Variants in RALGAPA1 observed in about 807,000 individuals in gnomAD.
The protein encoded by RALGAPA1 is ral GTPase-activating protein subunit alpha-1.
RALGAPA1 carries 52 observed loss-of-function variants against 269.6 expected under a neutral mutation model. That is an observed-to-expected ratio of 0.19 (90% CI 0.15 to 0.24). The LOEUF is 0.24. Among genes scored for constraint, RALGAPA1 ranks in the 10% least tolerant of loss-of-function variants. RALGAPA1 has a pLI of 1.00. For synonymous variants in RALGAPA1, 817 were observed against 1,008.3 expected (o/e 0.81, Z 3.60); for missense variants, 1,917 against 3,013.9 (o/e 0.64, Z 8.52).
chr14:35,572,607 G>C lies in RALGAPA1; in HGVS notation c.7321C>G (p.Pro2441Ala). The C allele has an allele frequency of 6.2e-7, 1 of 1,608,198 alleles. No individual in the cohort carries two copies. The highest frequency in any genetic ancestry group is 8.5e-7 in the Non-Finnish European group (1 of 1,177,152). Residue 2441 changes from proline to alanine, a missense_variant, in exon 38 of 42, where the codon CCA becomes GCA. Pro to Ala is a conservative substitution (Grantham distance 27, BLOSUM62 -1). Transcript: ENST00000680220. ...EFGDVLIVIY[P>A]MKNHMFSIQI... Reference sequence around the variant, plus strand: ...ATACTGAACATGTGATTTTTCATTGGATATATTACAATAAGGACATCACCA... The same window carrying C: ...ATACTGAACATGTGATTTTTCATTGCATATATTACAATAAGGACATCACCA...
intron 26 of RALGAPA1, among the ~76,000 whole-genome samples, chr14:35,670,935 AAGAG>A (rs200500058): frequency 0.095 from 14,443 of 151,304 alleles, 858 homozygotes; most frequent in Non-Finnish European, 0.14. Flanking sequence ...AAAAAAAAAA[AAGAG>A]AGAGAGAGAG....
intron 4 of RALGAPA1, chr14:35,766,539 G>A (rs1376304206): frequency 4.0e-6 from 4 of 1,008,624 alleles, no homozygotes; most frequent in African/African-American, 3.2e-5. Flanking sequence ...ATCAGAAGCA[G>A]CATCGAGTAT....
At chr14:35,789,516 T>C (rs922895675) in intron 1 of RALGAPA1, among the ~76,000 whole-genome samples, 2 of 151,886 alleles carry the variant, frequency 1.3e-5, no homozygotes, top group African/African-American at 4.8e-5. Context: ...CACTTGAACC[T>C]GGAAGGTGTA....
chr14:35,709,365 C>T (rs1347864811), intron 16 of RALGAPA1, among the ~76,000 whole-genome samples: 1 of 151,942 alleles, frequency 6.6e-6, no homozygotes, highest in African/African-American at 2.4e-5. Context: ...TATATACCCA[C>T]AAAAATTAAA....
In RALGAPA1 at chr14:35,750,536, A is replaced by C. The variant is rs779875461; in HGVS notation, c.957T>G (p.His319Gln). Residue 319 changes from histidine (H) to glutamine (Q), a missense_variant, in exon 9 of 42, where the codon CAT becomes CAG. Coordinates refer to ENST00000680220, the MANE Select transcript of RALGAPA1 (RefSeq NM_001346249.2). ...LVSFWLEPKP[H>Q]TGPHIPGMEG... ...CCATCCCAGGAATATGAGGTCCTGT[A>C]TGTGGTTTTGGCTCCAGCCAGAAAG... 1 of 1,613,174 alleles carries C rather than the reference A, an allele frequency of 6.2e-7. No individual in the cohort carries two copies. Among genetic ancestry groups the C allele is most frequent in the South Asian group, 1.1e-5 (1 of 91,052 alleles).
In RALGAPA1 at chr14:35,688,943, T is replaced by C. The variant is rs958901791; in HGVS notation, c.3468A>G (p.Pro1156=). The C allele has an allele frequency of 8.8e-6, 11 of 1,246,928 alleles. No individual in the cohort carries two copies. Among genetic ancestry groups the C allele is most frequent in the Non-Finnish European group, 1.0e-5 (10 of 996,672 alleles). The allele number at this position is 1,246,928 out of a possible 1,614,324, so 77.2% of individuals were successfully genotyped here. Residue 1156 remains proline (P), a synonymous_variant, in exon 18 of 42, where the codon CCA becomes CCG. Coordinates refer to ENST00000680220, the MANE Select transcript of RALGAPA1 (RefSeq NM_001346249.2). ...TATAAAACTGAACGGACTCAGTGGATGGCCTAAAAGTAACATGAACACTAT... is the reference window on the plus strand; with the variant it reads ...TATAAAACTGAACGGACTCAGTGGACGGCCTAAAAGTAACATGAACACTAT... ...KRNSVHVTFR[P]STESVQFYNP...
At chr14:35,756,679 G>A in intron 7 of RALGAPA1, 114 bp downstream of exon 7, 1 of 707,900 alleles carries the variant, frequency 1.4e-6, no homozygotes, top group Non-Finnish European at 2.2e-6. Flanking sequence ...CAACCTCCCT[G>A]ACAAAAAGAA....
At chr14:35,553,947 T>A (rs2139173707) in intron 39 of RALGAPA1, among the ~76,000 whole-genome samples, 1 of 152,358 alleles carries the variant, frequency 6.6e-6, no homozygotes, top group Admixed American at 6.5e-5. Flanking sequence ...TACACTCATA[T>A]ATTTCTATGG....
chr14:35,559,108 A>C (rs1186752464), intron 39 of RALGAPA1, among the ~76,000 whole-genome samples: 2 of 152,186 alleles, frequency 1.3e-5, no homozygotes, highest in African/African-American at 4.8e-5. Flanking sequence ...GTGGTTTGGC[A>C]AGCAAAAGTT....
At position 35,589,164 on chromosome 14, in the gene RALGAPA1, T is replaced by C. The variant is rs150923087; in HGVS notation, c.7209+6470A>G. Among the ~76,000 whole-genome samples the C allele has an allele frequency of 4.6e-4, 70 of 152,338 alleles. No individual in the cohort carries two copies. In the East Asian group the frequency reaches 8.7e-3, roughly 19 times the overall value. ...TAGCAGGCCTTCAAATAATGTCATATCCTTCATAATTTCATTATAAATTTG... is the reference window on the plus strand; with the variant it reads ...TAGCAGGCCTTCAAATAATGTCATACCCTTCATAATTTCATTATAAATTTG... On this transcript the variant is annotated intron_variant, in intron 37 of 41. Transcript: ENST00000680220.
At chr14:35,674,986 T>C (rs1050899201) in intron 22 of RALGAPA1, among the ~76,000 whole-genome samples, 5 of 152,146 alleles carry the variant, frequency 3.3e-5, no homozygotes, top group Non-Finnish European at 5.9e-5. Flanking sequence ...TCTATGCAGA[T>C]AGAGAAATCT....
intron 34 of RALGAPA1, 104 bp from the exon 35 acceptor site, chr14:35,625,536 T>A: frequency 1.3e-6 from 1 of 743,430 alleles, no homozygotes; most frequent in Non-Finnish European, 2.2e-6. Context: ...CTACTTTTCT[T>A]GCCTTTTCAT....
chr14:35,662,838 G>C (rs1176244157), intron 27 of RALGAPA1, among the ~76,000 whole-genome samples: 1 of 151,070 alleles, frequency 6.6e-6, no homozygotes, highest in African/African-American at 2.4e-5. Context: ...TCTTTGAAGG[G>C]CAAGGGTCAA....
rs541920715 is a variant in RALGAPA1, at chr14:35,756,962, A to C, written c.548-54T>G. The C allele has an allele frequency of 3.7e-5, 52 of 1,414,702 alleles. No homozygotes were observed. The South Asian group carries it at 5.0e-4, about 14-fold the overall frequency. The allele number at this position is 1,414,702 out of a possible 1,614,324, so 87.6% of individuals were successfully genotyped here. On this transcript the variant is annotated intron_variant, in intron 6 of 41. Coordinates refer to ENST00000680220, the MANE Select transcript of RALGAPA1 (RefSeq NM_001346249.2). The stretch of plus-strand genomic sequence containing the variant: ...GTTACAAAACAAATTTAATAAAACA[A>C]TAATATAACCAAATAAACTTTAACT...
At chr14:35,562,796 CG>C (rs1440387726) in intron 39 of RALGAPA1, among the ~76,000 whole-genome samples, 1 of 151,470 alleles carries the variant, frequency 6.6e-6, no homozygotes, top group African/African-American at 2.4e-5. Context: ...CTGAGGTGGG[CG>C]GATCACGAGT....
intron 28 of RALGAPA1, among the ~76,000 whole-genome samples, chr14:35,657,410 G>A (rs1247199465): frequency 4.0e-5 from 6 of 151,646 alleles, no homozygotes; most frequent in Non-Finnish European, 4.4e-5. Context: ...GGCTGGTCTC[G>A]AACTCCTGAC....
At chr14:35,581,436 T>C (rs182194363) in intron 37 of RALGAPA1, among the ~76,000 whole-genome samples, 20 of 152,312 alleles carry the variant, frequency 1.3e-4, no homozygotes, top group Admixed American at 9.8e-4. Flanking sequence ...TAAAAGCTGC[T>C]ATTGTTTCTT....
chr14:35,542,799 TCA>T (rs1421915245), intron 41 of RALGAPA1, among the ~76,000 whole-genome samples: 7 of 152,204 alleles, frequency 4.6e-5, no homozygotes. Context: ...CTTACAGTGC[TCA>T]CACAGACTGT....
chr14:35,657,689 ATT>A (rs34883632), intron 28 of RALGAPA1, among the ~76,000 whole-genome samples: 13 of 145,248 alleles, frequency 9.0e-5, no homozygotes, highest in South Asian at 2.2e-4. Flanking sequence ...ATATATATAT[ATT>A]TTTTTTTTTT....
Sources: gnomAD v4.1 joint callset for allele counts (sites outside exome capture counted in the v4.1 genomes callset) on GRCh38, gnomAD v4.1.1 for gene constraint, MANE v1.5 for transcripts, NCBI Gene and HGNC (gene_info 2026-07-23, HGNC 2026-07-21) for gene names.